ZNF267: variants seen among roughly 807,000 people sequenced by gnomAD.
ZNF267 encodes the protein zinc finger protein 267.
ZNF267 carries 61 observed loss-of-function variants against 71.6 expected under a neutral mutation model. The ratio of observed to expected loss-of-function variants is 0.85; its 90% CI spans 0.69 to 1.05. The LOEUF (loss-of-function observed/expected upper bound fraction) is 1.05, where lower values mean the gene tolerates loss of function less well. Ranked by LOEUF, ZNF267 falls within the 50% of genes least tolerant of loss-of-function variation. ZNF267 has a pLI of 0.00. For synonymous variants in ZNF267, 288 were observed against 293.2 expected, an observed-to-expected ratio of 0.98 and a Z score of 0.18; for missense variants, 852 against 870.0, an observed-to-expected ratio of 0.98 and a Z score of 0.26.
chr16:31,912,962 T>A (rs2084146459), intron 3 of ZNF267: 1 of 152,238 alleles, frequency 6.6e-6, no homozygotes, highest in Non-Finnish European at 1.5e-5. Flanking sequence ...GAATCATCTG[T>A]CTGAAAAGTT....
chr16:31,880,890 C>G (rs1009922433), intron 1 of ZNF267, among the ~76,000 whole-genome samples: 1 of 152,140 alleles, frequency 6.6e-6, no homozygotes, highest in Admixed American at 6.5e-5. Context: ...TCCCTACCAT[C>G]CAGGAACTTT....
chr16:31,910,314 T>C (rs1223245700), intron 3 of ZNF267, among the ~76,000 whole-genome samples: 1 of 151,720 alleles, frequency 6.6e-6, no homozygotes, highest in African/African-American at 2.4e-5. Context: ...TGGAAGTTTT[T>C]GAGTAGAGCT....
chr16:31,903,656 C>T (rs1044017069), intron 3 of ZNF267, among the ~76,000 whole-genome samples: 5 of 152,036 alleles, frequency 3.3e-5, no homozygotes, highest in Non-Finnish European at 5.9e-5. Context: ...TTTTTTATTG[C>T]ATCTATTTGA....
intron 3 of ZNF267, among the ~76,000 whole-genome samples, chr16:31,889,700 C>T (rs529622140): frequency 1.5e-4 from 23 of 152,306 alleles, no homozygotes; most frequent in African/African-American, 4.3e-4. Flanking sequence ...CAGGCAGTCA[C>T]ATGGCAAGAG....
Sources: allele counts gnomAD v4.1 joint callset (sites outside exome capture counted in the v4.1 genomes callset), GRCh38; gene constraint gnomAD v4.1.1; transcripts MANE v1.5; gene names NCBI Gene and HGNC (gene_info 2026-07-23, HGNC 2026-07-21).